Variants in GRIA4 observed in about 807,000 individuals in gnomAD.
GRIA4 encodes the protein glutamate receptor 4.
In GRIA4, 34 loss-of-function variants were observed where a neutral mutation model predicts 104.0. The observed-to-expected ratio is 0.33, with a 90% CI of 0.25 to 0.44. GRIA4 has a LOEUF of 0.44. Among genes scored for constraint, GRIA4 ranks in the 20% least tolerant of loss-of-function variants. The probability of loss-of-function intolerance (pLI) is 1.00; values close to 1 mark genes in which losing one functional copy is unlikely to be tolerated. For missense variants in GRIA4, 750 were observed against 1,096.5 expected, an observed-to-expected ratio of 0.68 and a Z score of 4.46; for synonymous variants, 386 against 381.9, an observed-to-expected ratio of 1.01 and a Z score of -0.13.
In GRIA4 at chr11:105,871,814, A is replaced by G. The variant is rs897467388; in HGVS notation, c.672+9606A>G. 3.3e-5 allele frequency among the ~76,000 whole-genome samples: 5 copies of G among 152,228 alleles called. No individual in the cohort carries two copies. The South Asian group carries it at 8.3e-4, about 25-fold the overall frequency. On this transcript the variant is annotated intron_variant, in intron 5 of 16. Transcript: ENST00000282499. The stretch of plus-strand genomic sequence containing the variant: ...TAAAACCCTGACCAAAAATGGTATT[A>G]GCTGAAGTTATTTAATATTGAAGAT...
intron 14 of GRIA4, among the ~76,000 whole-genome samples, chr11:105,957,209 C>T (rs1487365020): frequency 3.3e-5 from 5 of 152,120 alleles, no homozygotes; most frequent in Admixed American, 2.6e-4. Context: ...TATGGTATTC[C>T]CTATGCTATC....
At chr11:105,727,221 C>A (rs907577854) in intron 3 of GRIA4, among the ~76,000 whole-genome samples, 2 of 151,744 alleles carry the variant, frequency 1.3e-5, no homozygotes, top group East Asian at 3.9e-4. Context: ...AAACACAGCA[C>A]AAGAACTTCA....
At position 105,923,640 on chromosome 11, in the gene GRIA4, G is replaced by A. The variant is rs575604933; in HGVS notation, c.1477-759G>A. On this transcript the variant is annotated intron_variant, in intron 11 of 16. Transcript: ENST00000282499. ...AAAGTATCCTCATTTTATAGCTGTA[G>A]AAACAAGCTCAGAAAAATTGCTCAA... 6.0e-4 allele frequency among the ~76,000 whole-genome samples: 92 copies of A among 152,138 alleles called. 1 individual carries two copies. Among genetic ancestry groups the A allele is most frequent in the Non-Finnish European group, 1.2e-3 (79 of 67,998 alleles).
chr11:105,953,549 G>C (rs1948509787), intron 14 of GRIA4, among the ~76,000 whole-genome samples: 1 of 152,042 alleles, frequency 6.6e-6, no homozygotes, highest in Non-Finnish European at 1.5e-5. Flanking sequence ...ATGTAGAGTT[G>C]GTTATTCATA....
At chr11:105,814,986 C>T (rs965159578) in intron 4 of GRIA4, among the ~76,000 whole-genome samples, 2 of 152,108 alleles carry the variant, frequency 1.3e-5, no homozygotes, top group African/African-American at 2.4e-5. Flanking sequence ...CAAGCTTGGC[C>T]AGTCAGGGTC....
intron 5 of GRIA4, among the ~76,000 whole-genome samples, chr11:105,885,486 AAAATC>A (rs981867373): frequency 9.2e-5 from 14 of 152,230 alleles, no homozygotes; most frequent in Non-Finnish European, 1.5e-4. Flanking sequence ...GACAGTAAAG[AAAATC>A]TTCAGGGGCC....
At chr11:105,659,010 G>A (rs1951927459) in intron 3 of GRIA4, among the ~76,000 whole-genome samples, 1 of 151,718 alleles carries the variant, frequency 6.6e-6, no homozygotes. Context: ...GACAATAATG[G>A]GATAAATTTG....
At chr11:105,621,865 C>T (rs1950755548) in intron 3 of GRIA4, among the ~76,000 whole-genome samples, 1 of 151,778 alleles carries the variant, frequency 6.6e-6, no homozygotes, top group Non-Finnish European at 1.5e-5. Context: ...TGACGATTAT[C>T]AGTTTTTTGA....
chr11:105,954,442 G>A lies in GRIA4; in HGVS notation c.2295-17472G>A, dbSNP rs1948532884. ...TTCCACTGCCCAGAAAATTTTGGGT[G>A]TGTGGGGGCATAAAGAACAAATGCA... On this transcript the variant is annotated intron_variant, in intron 14 of 16. Coordinates refer to ENST00000282499, the MANE Select transcript of GRIA4 (RefSeq NM_000829.4). Among the ~76,000 whole-genome samples the A allele has an allele frequency of 2.6e-5, 4 of 152,176 alleles. No individual in the cohort carries two copies. The South Asian group carries it at 8.3e-4, about 32-fold the overall frequency.
At chr11:105,875,693 A>G (rs1399907230) in intron 5 of GRIA4, among the ~76,000 whole-genome samples, 2 of 151,934 alleles carry the variant, frequency 1.3e-5, no homozygotes, top group East Asian at 3.9e-4. Flanking sequence ...GTTCTAGTTT[A>G]TTTGCATAGA....
At chr11:105,757,128 A>G (rs1940358939) in intron 4 of GRIA4, among the ~76,000 whole-genome samples, 1 of 152,200 alleles carries the variant, frequency 6.6e-6, no homozygotes, top group Non-Finnish European at 1.5e-5. Context: ...TGCAACATTT[A>G]TTACTTGCCT....
chr11:105,620,107 G>C (rs568884892), intron 3 of GRIA4, among the ~76,000 whole-genome samples: 1 of 151,704 alleles, frequency 6.6e-6, no homozygotes, highest in Admixed American at 6.6e-5. Flanking sequence ...ACCACTCCTG[G>C]AACACTGTGT....
At chr11:105,817,839 T>C (rs1943439837) in intron 4 of GRIA4, among the ~76,000 whole-genome samples, 1 of 152,060 alleles carries the variant, frequency 6.6e-6, no homozygotes, top group Non-Finnish European at 1.5e-5. Context: ...TATTACAACA[T>C]AGGAATCTGT....
chr11:105,927,851 G>T (rs1591454617), intron 13 of GRIA4, among the ~76,000 whole-genome samples: 2 of 151,982 alleles, frequency 1.3e-5, no homozygotes, highest in Non-Finnish European at 2.9e-5. Context: ...ATCGAACTAG[G>T]TAAAAACGAA....
chr11:105,626,774 C>T (rs1310170931), intron 3 of GRIA4, among the ~76,000 whole-genome samples: 1 of 152,028 alleles, frequency 6.6e-6, no homozygotes, highest in Non-Finnish European at 1.5e-5. Context: ...TCTTTATATG[C>T]TTTTATTTTT....
intron 3 of GRIA4, among the ~76,000 whole-genome samples, chr11:105,695,565 C>G (rs2135507171): frequency 6.6e-6 from 1 of 152,030 alleles, no homozygotes; most frequent in African/African-American, 2.4e-5. Context: ...ATTAGTCTTA[C>G]TGTGATTCGA....
intron 4 of GRIA4, among the ~76,000 whole-genome samples, chr11:105,840,023 A>T (rs972891936): frequency 2.6e-5 from 4 of 152,174 alleles, no homozygotes; most frequent in African/African-American, 7.2e-5. Flanking sequence ...CAACAACTAG[A>T]TCCTTCTAGA....
intron 4 of GRIA4, among the ~76,000 whole-genome samples, chr11:105,833,810 C>A (rs1200133701): frequency 6.6e-6 from 1 of 151,890 alleles, no homozygotes; most frequent in East Asian, 1.9e-4. Flanking sequence ...TCCTACCTAT[C>A]CACAACCATA....
At chr11:105,675,064 C>A (rs1251062526) in intron 3 of GRIA4, among the ~76,000 whole-genome samples, 1 of 151,728 alleles carries the variant, frequency 6.6e-6, no homozygotes, top group Non-Finnish European at 1.5e-5. Context: ...AGCTGACAGG[C>A]AGAGGGTTCA....
Sources: gnomAD v4.1 joint callset for allele counts (sites outside exome capture counted in the v4.1 genomes callset) on GRCh38, gnomAD v4.1.1 for gene constraint, MANE v1.5 for transcripts, NCBI Gene and HGNC (gene_info 2026-07-23, HGNC 2026-07-21) for gene names.